The following DNER variants were observed in gnomAD, a reference collection of about 807,000 sequenced individuals.
The protein encoded by DNER is delta and Notch-like epidermal growth factor-related receptor.
DNER carries 33 observed loss-of-function variants against 78.2 expected under a neutral mutation model. The observed-to-expected ratio is 0.42, with a 90% confidence interval of 0.32 to 0.56. The LOEUF (loss-of-function observed/expected upper bound fraction) is 0.56, where lower values mean the gene tolerates loss of function less well. DNER is among the 20% of genes least tolerant of loss of function. The pLI is 0.11. For synonymous variants in DNER, 417 were observed against 384.8 expected (o/e 1.08, Z -0.98); for missense variants, 918 against 975.3 (o/e 0.94, Z 0.78).
chr2:229,697,942 C>T (rs1699687037), intron 1 of DNER, among the ~76,000 whole-genome samples: 1 of 152,200 alleles, frequency 6.6e-6, no homozygotes, highest in African/African-American at 2.4e-5. Context: ...GTAATCCTAA[C>T]ACTTTGGGAG....
At chr2:229,515,635 C>CTTTTTTTTTTTTTTTTTTTTTTTTT (rs1409850665) in intron 5 of DNER, among the ~76,000 whole-genome samples, 1 of 123,252 alleles carries the variant, frequency 8.1e-6, no homozygotes. Context: ...TTCAAGTTAG[C>CTTTTTTTTTTTTTTTTTTTTTTTTT]TTTATTTTTT....
intron 8 of DNER, among the ~76,000 whole-genome samples, chr2:229,431,009 C>T (rs1693991865): frequency 1.3e-5 from 2 of 151,856 alleles, no homozygotes; most frequent in Admixed American, 1.3e-4. Flanking sequence ...AAACGCACTG[C>T]TAGTAAAGAA....
Position 229,432,299 on chromosome 2 carries a change from C to T in DNER, c.1487-14069G>A, listed in dbSNP as rs558758486. Among the ~76,000 whole-genome samples the T allele has an allele frequency of 1.2e-4, 19 of 152,176 alleles. No homozygotes were observed. In the South Asian group the frequency reaches 2.7e-3, roughly 22 times the overall value. On this transcript the variant is annotated intron_variant, in intron 8 of 12. Coordinates refer to ENST00000341772, the MANE Select transcript of DNER (RefSeq NM_139072.4). ...GTTTAGAAAAGCAAAGGTAGACATA[C>T]ACCCTCACATTCCAGAAGTTTTTCA...
chr2:229,682,959 T>C (rs1699411879), intron 1 of DNER, among the ~76,000 whole-genome samples: 1 of 152,228 alleles, frequency 6.6e-6, no homozygotes, highest in African/African-American at 2.4e-5. Context: ...GATTGAACTA[T>C]ACAACTGTAA....
Position 229,591,174 on chromosome 2 carries a change from T to C in DNER, c.585+406A>G, listed in dbSNP as rs1384799448. On this transcript the variant is annotated intron_variant, in intron 2 of 12. Transcript: ENST00000341772. The surrounding 1 kb of genome is among the most constrained non-coding windows in gnomAD (Gnocchi z 4.6). ...ACCACTCAAGAATGGACCAATACTG[T>C]GTGTTGGTTATAAGCAACCCAGTTT... Among the ~76,000 whole-genome samples, 1 of 152,220 alleles carries C rather than the reference T, an allele frequency of 6.6e-6. No individual in the cohort carries two copies. Among genetic ancestry groups the C allele is most frequent in the African/African-American group, 2.4e-5 (1 of 41,460 alleles).
intron 1 of DNER, among the ~76,000 whole-genome samples, chr2:229,612,969 A>C (rs1698077122): frequency 6.6e-6 from 1 of 152,220 alleles, no homozygotes; most frequent in South Asian, 2.1e-4. Context: ...CAAATGTACA[A>C]GTGACTTGCT....
At chr2:229,440,234 C>A (rs1243114097) in intron 8 of DNER, among the ~76,000 whole-genome samples, 1 of 152,188 alleles carries the variant, frequency 6.6e-6, no homozygotes, top group Non-Finnish European at 1.5e-5. Flanking sequence ...ACGAATTCTA[C>A]CTGAATGCCC....
intron 1 of DNER, among the ~76,000 whole-genome samples, chr2:229,712,864 A>G (rs1574581361): frequency 6.6e-6 from 1 of 152,184 alleles, no homozygotes; most frequent in African/African-American, 2.4e-5. Flanking sequence ...TGTTGAAAAG[A>G]TAGATTCAGT....
chr2:229,584,684 A>G (rs1697465937), intron 4 of DNER, among the ~76,000 whole-genome samples: 1 of 152,136 alleles, frequency 6.6e-6, no homozygotes, highest in Non-Finnish European at 1.5e-5. Context: ...TAATCCCAGC[A>G]TTTTGGGAGG....
At position 229,485,240 on chromosome 2, in the gene DNER, C is replaced by T. The variant is rs191797611; in HGVS notation, c.1148-7987G>A. On this transcript the variant is annotated intron_variant, in intron 6 of 12. Transcript: ENST00000341772. ...CCGGGAAAGCCCTCAACTCAGGCTTCGTGCTTTTAAAGGGTCTGACCGTGA... is the reference window on the plus strand; with the variant it reads ...CCGGGAAAGCCCTCAACTCAGGCTTTGTGCTTTTAAAGGGTCTGACCGTGA... 3.1e-3 allele frequency among the ~76,000 whole-genome samples: 472 copies of T among 152,226 alleles called. 1 individual carries two copies. Among genetic ancestry groups the T allele is most frequent in the African/African-American group, 0.011 (446 of 41,542 alleles).
At chr2:229,503,786 G>A (rs1695676142) in intron 6 of DNER, among the ~76,000 whole-genome samples, 1 of 152,160 alleles carries the variant, frequency 6.6e-6, no homozygotes, top group South Asian at 2.1e-4. Flanking sequence ...TCTGTCACCT[G>A]GGTTGAATAT....
At chr2:229,423,551 G>T (rs1693809228) in intron 8 of DNER, among the ~76,000 whole-genome samples, 1 of 150,824 alleles carries the variant, frequency 6.6e-6, no homozygotes, top group African/African-American at 2.4e-5. Context: ...TGAGGCAGAG[G>T]TTGCAGTGCA....
At chr2:229,608,475 C>A (rs1262004656) in intron 1 of DNER, among the ~76,000 whole-genome samples, 6 of 152,166 alleles carry the variant, frequency 3.9e-5, no homozygotes, top group African/African-American at 7.2e-5. Flanking sequence ...AGAAAAGAAT[C>A]TCTTAAATAA....
In DNER at chr2:229,546,826, C is replaced by CAGATAGATAGATAGATAGAT. The variant is rs1375714652; in HGVS notation, c.993+120_993+121insATCTATCTATCTATCTATCT. 173 of 1,388,414 alleles carry CAGATAGATAGATAGATAGAT rather than the reference C, an allele frequency of 1.2e-4. No homozygotes were observed. In the African/African-American group the frequency reaches 1.9e-3, roughly 15 times the overall value. The allele number at this position is 1,388,414 out of a possible 1,614,324, so 86.0% of individuals were successfully genotyped here. Reference sequence around the variant, plus strand: ...ATAGACAGACAGACAGACAGACAGACAGACAGATAGATAGATAGAGCAAGG... The same window carrying CAGATAGATAGATAGATAGAT: ...ATAGACAGACAGACAGACAGACAGACAGATAGATAGATAGATAGATAGACAGATAGATAGATAGAGCAAGG... On this transcript the variant is annotated intron_variant, in intron 5 of 12. Coordinates refer to ENST00000341772, the MANE Select transcript of DNER (RefSeq NM_139072.4).
intron 8 of DNER, among the ~76,000 whole-genome samples, chr2:229,445,370 T>C (rs1419341724): frequency 6.6e-6 from 1 of 152,192 alleles, no homozygotes. Flanking sequence ...AATATCCTCA[T>C]GTCAAACACA....
intron 4 of DNER, among the ~76,000 whole-genome samples, chr2:229,561,807 C>T (rs933635811): frequency 6.6e-6 from 1 of 152,178 alleles, no homozygotes; most frequent in Non-Finnish European, 1.5e-5. Context: ...ATCTATTCTC[C>T]TCTCATGCCT....
At chr2:229,425,917 A>G (rs1235925163) in intron 8 of DNER, among the ~76,000 whole-genome samples, 1 of 152,198 alleles carries the variant, frequency 6.6e-6, no homozygotes. Flanking sequence ...ACTGAATTCA[A>G]GGCAAGAGTG....
chr2:229,417,226 G>A (rs1423927591), intron 9 of DNER, among the ~76,000 whole-genome samples: 1 of 152,138 alleles, frequency 6.6e-6, no homozygotes, highest in Non-Finnish European at 1.5e-5. Flanking sequence ...CTAAATAAAG[G>A]TAGGTTCATC....
intron 7 of DNER, among the ~76,000 whole-genome samples, chr2:229,452,791 C>T (rs1409604907): frequency 1.3e-5 from 2 of 152,084 alleles, no homozygotes; most frequent in South Asian, 2.1e-4. Flanking sequence ...CCACGCCCAG[C>T]TAATTTTTGT....
Sources: gnomAD v4.1 joint callset for allele counts (sites outside exome capture counted in the v4.1 genomes callset) on GRCh38, gnomAD v4.1.1 for gene constraint, Gnocchi (gnomAD v3.1) non-coding constraint, MANE v1.5 for transcripts, NCBI Gene and HGNC (gene_info 2026-07-23, HGNC 2026-07-21) for gene names.